The following NBPF4 variants were observed in gnomAD, a reference collection of about 807,000 sequenced individuals.
NBPF4 encodes the protein NBPF member 4, also known as NBPF family member NBPF4.
In NBPF4, 11 loss-of-function variants were observed where a neutral mutation model predicts 21.1. That is an observed-to-expected ratio of 0.52 (90% CI 0.33 to 0.86). The LOEUF (loss-of-function observed/expected upper bound fraction) is 0.86, where lower values mean the gene tolerates loss of function less well. Among genes scored for constraint, NBPF4 ranks in the 40% least tolerant of loss-of-function variants. The pLI is 0.03. For synonymous variants in NBPF4, 47 were observed against 106.4 expected (o/e 0.44, Z 3.43); for missense variants, 88 against 265.3 (o/e 0.33, Z 4.64).
chr1:108,257,751 T>TCTTTA, the NBPF4 span, among the ~76,000 whole-genome samples: 52 of 123,530 alleles, frequency 4.2e-4, no homozygotes, highest in African/African-American at 1.4e-3. Context: ...AATCTTTTTT[T>TCTTTA]CTTTTCTTTT....
chr1:108,222,618 T>C lies in NBPF4; in HGVS notation c.*1087A>G, dbSNP rs1399143654. 1.3e-5 allele frequency among the ~76,000 whole-genome samples: 2 copies of C among 152,198 alleles called. No individual in the cohort carries two copies. Among genetic ancestry groups the C allele is most frequent in the Non-Finnish European group, 2.9e-5 (2 of 68,036 alleles). ...AAAAGAAATTAAAATTAATTTTGGA[T>C]GAAAGTTAAAATTTGGGCAGGGAAT... On this transcript the variant is annotated 3_prime_UTR_variant, in exon 15 of 15. Coordinates refer to ENST00000415641, the MANE Select transcript of NBPF4 (RefSeq NM_001143989.3).
At chr1:108,259,352 G>A in the NBPF4 span, among the ~76,000 whole-genome samples, 1 of 143,050 alleles carries the variant, frequency 7.0e-6, no homozygotes, top group African/African-American at 2.7e-5. Flanking sequence ...CTTTAAAGGT[G>A]TTTTCTCAAA....
intron 13 of NBPF4, 138 bp downstream of exon 13, chr1:108,228,782 C>A (rs1289139080): frequency 3.1e-6 from 2 of 644,198 alleles, no homozygotes; most frequent in Admixed American, 5.3e-5. Context: ...CCTTTGCTCA[C>A]CTCACTGGGT....
At chr1:108,246,586 G>C (rs1423812091), upstream of NBPF4, among the ~76,000 whole-genome samples, 1 of 105,812 alleles carries the variant, frequency 9.5e-6, no homozygotes, top group Non-Finnish European at 2.0e-5. Context: ...TGACCTGGCC[G>C]TGATCCTGCA....
At chr1:108,256,259 T>C in the NBPF4 span, among the ~76,000 whole-genome samples, 1 of 150,020 alleles carries the variant, frequency 6.7e-6, no homozygotes, top group East Asian at 1.9e-4. Flanking sequence ...CTTAGTCTAG[T>C]TAAAAGTTTG....
chr1:108,229,051 A>T lies in NBPF4; in HGVS notation c.1529T>A (p.Val510Glu), dbSNP rs1337841417. The change falls in exon 13 of 15, where the codon GTG becomes GAG. Residue 510 changes from valine to glutamate, a missense_variant. Around this residue, in one of 4 missense-constraint regions of NBPF4, gnomAD observed 60 missense variants for 86.5 expected, o/e 0.69. Coordinates refer to ENST00000415641, the MANE Select transcript of NBPF4 (RefSeq NM_001143989.3). ...CAGCTGTAGTCGCAGACAACTGGGCACCAGGGTGCTTGGTTCCAGCTGTGC... is the reference window on the plus strand; with the variant it reads ...CAGCTGTAGTCGCAGACAACTGGGCTCCAGGGTGCTTGGTTCCAGCTGTGC... ...SQAQLEPSTL[V>E]PSCLRLQLDQ... 1.9e-6 allele frequency: 3 copies of T among 1,550,738 alleles called. No individual in the cohort carries two copies. The highest frequency in any genetic ancestry group is 2.6e-6 in the Non-Finnish European group (3 of 1,146,454).
chr1:108,264,227 CAG>C, the NBPF4 span, among the ~76,000 whole-genome samples: 8 of 151,030 alleles, frequency 5.3e-5, no homozygotes, highest in Non-Finnish European at 7.3e-5. Context: ...AAAAAAAAAA[CAG>C]GGGTTGCAAT....
At chr1:108,268,645 T>G in the NBPF4 span, among the ~76,000 whole-genome samples, 1 of 150,604 alleles carries the variant, frequency 6.6e-6, no homozygotes, top group Non-Finnish European at 1.5e-5. Flanking sequence ...TCTATTTAGC[T>G]ACATCAACTT....
chr1:108,266,099 T>C, the NBPF4 span, among the ~76,000 whole-genome samples: 50 of 116,172 alleles, frequency 4.3e-4, no homozygotes, highest in South Asian at 9.3e-3. Context: ...CTGAAGGAGA[T>C]AGAAACATGA....
the NBPF4 span, among the ~76,000 whole-genome samples, chr1:108,257,704 T>A: frequency 7.1e-6 from 1 of 141,762 alleles, no homozygotes; most frequent in African/African-American, 2.8e-5. Context: ...TATGCATTGG[T>A]TTATTTTTGG....
chr1:108,266,176 A>G, the NBPF4 span, among the ~76,000 whole-genome samples: 3 of 146,660 alleles, frequency 2.0e-5, no homozygotes, highest in Non-Finnish European at 4.4e-5. Flanking sequence ...AGGCAATAAA[A>G]TAGACCACTA....
At chr1:108,258,529 T>C in the NBPF4 span, among the ~76,000 whole-genome samples, 2 of 139,968 alleles carry the variant, frequency 1.4e-5, no homozygotes, top group Admixed American at 7.5e-5. Context: ...GCAGTGACAA[T>C]ATCTTTCGGG....
intron 3 of NBPF4, among the ~76,000 whole-genome samples, chr1:108,241,395 T>C (rs1571328068): frequency 6.9e-6 from 1 of 145,604 alleles, no homozygotes; most frequent in Non-Finnish European, 1.5e-5. Context: ...CACATATATA[T>C]ACAAACACAC....
At chr1:108,257,594 T>C in the NBPF4 span, among the ~76,000 whole-genome samples, 1 of 143,630 alleles carries the variant, frequency 7.0e-6, no homozygotes, top group Admixed American at 6.9e-5. Context: ...ATAGATGTCA[T>C]ACCCATTTGT....
chr1:108,252,592 A>G, the NBPF4 span, among the ~76,000 whole-genome samples: 6 of 104,054 alleles, frequency 5.8e-5, no homozygotes, highest in Non-Finnish European at 1.1e-4. Flanking sequence ...AATTCAATTT[A>G]GAACTCCTTA....
At chr1:108,256,612 CCCTT>C in the NBPF4 span, among the ~76,000 whole-genome samples, 211 of 91,364 alleles carry the variant, frequency 2.3e-3, no homozygotes, top group South Asian at 0.029. Context: ...CTCCCTCCCT[CCCTT>C]CCTTCCTTCC....
chr1:108,257,830 T>A, the NBPF4 span, among the ~76,000 whole-genome samples: 1 of 134,128 alleles, frequency 7.5e-6, no homozygotes, highest in African/African-American at 3.0e-5. Flanking sequence ...TGAAGTGGTG[T>A]GATCACTTCC....
chr1:108,244,901 GATATATAT>G (rs1173565670), upstream of NBPF4, among the ~76,000 whole-genome samples: 177 of 12,442 alleles, frequency 0.014, 8 homozygotes, highest in Admixed American at 0.021. Context: ...TATTGTTGGA[GATATATAT>G]ATATATATAT....
the NBPF4 span, among the ~76,000 whole-genome samples, chr1:108,258,644 T>G: frequency 7.8e-6 from 1 of 128,314 alleles, no homozygotes; most frequent in Non-Finnish European, 1.6e-5. Context: ...TATATTCAGT[T>G]TTCAGGCTGG....
Sources: gnomAD v4.1 joint callset for allele counts (sites outside exome capture counted in the v4.1 genomes callset) on GRCh38, gnomAD v4.1.1 for gene constraint, gnomAD v4.1.1 regional missense constraint, MANE v1.5 for transcripts, NCBI Gene and HGNC (gene_info 2026-07-23, HGNC 2026-07-21) for gene names.